Variants in NRDE2 observed in about 807,000 individuals in gnomAD.
The protein encoded by NRDE2 is nuclear exosome regulator NRDE2.
A neutral mutation model predicts 124.2 loss-of-function variants in NRDE2; 76 were observed. The observed-to-expected ratio is 0.61, with a 90% CI of 0.51 to 0.74. The LOEUF (loss-of-function observed/expected upper bound fraction) is 0.74, where lower values mean the gene tolerates loss of function less well. Among genes scored for constraint, NRDE2 ranks in the 30% least tolerant of loss-of-function variants. NRDE2 has a pLI of 0.00. For synonymous variants in NRDE2, 489 were observed against 528.1 expected (o/e 0.93, Z 1.01); for missense variants, 1,314 against 1,417.3 (o/e 0.93, Z 1.17).
chr14:90,331,089 G>A (rs1885679284), intron 1 of NRDE2, among the ~76,000 whole-genome samples: 1 of 151,826 alleles, frequency 6.6e-6, no homozygotes, highest in African/African-American at 2.4e-5. Context: ...ACCACGCCTG[G>A]CTTTTTTTTT....
chr14:90,286,841 G>A (rs561544520), intron 11 of NRDE2, among the ~76,000 whole-genome samples: 1 of 152,208 alleles, frequency 6.6e-6, no homozygotes, highest in East Asian at 1.9e-4. Context: ...AAGGTCAGGA[G>A]TTGGAGACCA....
At chr14:90,326,517 A>AG (rs1166550265) in intron 1 of NRDE2, among the ~76,000 whole-genome samples, 20 of 151,508 alleles carry the variant, frequency 1.3e-4, no homozygotes, top group East Asian at 5.8e-4. Flanking sequence ...AAAAAAAAAA[A>AG]AGAGAGAGGG....
chr14:90,312,648 C>T, intron 3 of NRDE2, 105 bp from the exon 4 acceptor site: 3 of 1,074,150 alleles, frequency 2.8e-6, no homozygotes, highest in South Asian at 1.3e-5. Context: ...TCAAACTCCA[C>T]ATGGCATCAA....
chr14:90,278,555 T>C, intron 13 of NRDE2, 94 bp from the exon 14 acceptor site: 1 of 1,519,544 alleles, frequency 6.6e-7, no homozygotes. Flanking sequence ...CTGGTGACCC[T>C]GCCCTCCTGT....
At chr14:90,295,161 CATT>C (rs1884096850) in intron 8 of NRDE2, among the ~76,000 whole-genome samples, 1 of 152,156 alleles carries the variant, frequency 6.6e-6, no homozygotes, top group Non-Finnish European at 1.5e-5. Flanking sequence ...CTGGTTCTGA[CATT>C]ATACTGTGGT....
intron 3 of NRDE2, among the ~76,000 whole-genome samples, chr14:90,313,974 T>C (rs981000750): frequency 6.6e-6 from 1 of 152,108 alleles, no homozygotes; most frequent in Non-Finnish European, 1.5e-5. Context: ...TACTGCAAAC[T>C]GATTGATGCA....
intron 12 of NRDE2, among the ~76,000 whole-genome samples, chr14:90,282,476 TCAAAAAAAAAAAA>T (rs1027014927): frequency 1.6e-5 from 2 of 122,568 alleles, no homozygotes; most frequent in African/African-American, 2.9e-5. Context: ...AGACCCTATC[TCAAAAAAAAAAAA>T]CAAAAAAAAC....
In NRDE2 at chr14:90,271,000, T is replaced by G. The variant is rs1464740100; in HGVS notation, c.*7336A>C. The G allele has an allele frequency of 6.6e-6, 1 of 152,112 alleles. No individual in the cohort carries two copies. Among genetic ancestry groups the G allele is most frequent in the Non-Finnish European group, 1.5e-5 (1 of 68,044 alleles). 9.4% of individuals were successfully genotyped at this position (152,112 alleles called of 1,614,324 possible). A position where few individuals can be genotyped will look rare whatever the true frequency, so the allele number is the denominator to read the frequency against. ...TCATTGGCAGTTAGTCCTAGAGAAC[T>G]AGATGTCTCTGTTGGCAAGTAAAAT... On this transcript the variant is annotated 3_prime_UTR_variant, in exon 14 of 14. Transcript: ENST00000354366.
intron 3 of NRDE2, among the ~76,000 whole-genome samples, chr14:90,313,227 C>T (rs1042759421): frequency 1.3e-5 from 2 of 151,216 alleles, no homozygotes; most frequent in Non-Finnish European, 1.5e-5. Context: ...CCCGGATTCA[C>T]GCCATTCTCC....
At chr14:90,313,084 A>G (rs1375576126) in intron 3 of NRDE2, among the ~76,000 whole-genome samples, 2 of 150,624 alleles carry the variant, frequency 1.3e-5, no homozygotes, top group South Asian at 4.2e-4. Flanking sequence ...TGAACTGCTC[A>G]GCCTCCAACA....
Position 90,270,458 on chromosome 14 carries a change from T to A in NRDE2, c.*7878A>T. The A allele has an allele frequency of 7.9e-7, 1 of 1,259,132 alleles. No homozygotes were observed. The highest frequency in any genetic ancestry group is 1.1e-6 in the Non-Finnish European group (1 of 933,896). The allele number at this position is 1,259,132 out of a possible 1,614,324, so 78.0% of individuals were successfully genotyped here. Reference sequence around the variant, plus strand: ...TGGTTGGCCTGGACAGGTGGGTGTCTGTATTTTAATCATCATATTGGTTTA... The same window carrying A: ...TGGTTGGCCTGGACAGGTGGGTGTCAGTATTTTAATCATCATATTGGTTTA... On this transcript the variant is annotated 3_prime_UTR_variant, in exon 14 of 14. Transcript: ENST00000354366.
At chr14:90,312,762 A>G (rs1884893025) in intron 3 of NRDE2, among the ~76,000 whole-genome samples, 1 of 152,224 alleles carries the variant, frequency 6.6e-6, no homozygotes, top group Non-Finnish European at 1.5e-5. Flanking sequence ...TCACCACTAA[A>G]TGACACTCTA....
At chr14:90,285,638 ATT>A (rs962643509) in intron 12 of NRDE2, among the ~76,000 whole-genome samples, 8 of 148,544 alleles carry the variant, frequency 5.4e-5, no homozygotes, top group Non-Finnish European at 1.0e-4. Flanking sequence ...TCTAGATTAC[ATT>A]TTTTTTTTAA....
intron 1 of NRDE2, among the ~76,000 whole-genome samples, chr14:90,321,156 T>C (rs756234932): frequency 3.9e-5 from 6 of 152,206 alleles, no homozygotes; most frequent in Admixed American, 2.0e-4. Context: ...TGATGACAGC[T>C]GGAAGAAAAT....
In NRDE2 at chr14:90,276,952, A is replaced by T. The variant is rs1279655277; in HGVS notation, c.*1384T>A. 6.6e-6 allele frequency: 1 copy of T among 152,278 alleles called. No individual in the cohort carries two copies. Among genetic ancestry groups the T allele is most frequent in the Non-Finnish European group, 1.5e-5 (1 of 68,084 alleles). The allele number at this position is 152,278 out of a possible 1,614,324, so 9.4% of individuals were successfully genotyped here. ...GTGGAGAAGGTCCCTCTTTGTGGGCAGCCAGGAACTCATGACAGTTCAAGC... is the reference window on the plus strand; with the variant it reads ...GTGGAGAAGGTCCCTCTTTGTGGGCTGCCAGGAACTCATGACAGTTCAAGC... On this transcript the variant is annotated 3_prime_UTR_variant, in exon 14 of 14. Transcript: ENST00000354366.
At position 90,278,575 on chromosome 14, in the gene NRDE2, C is replaced by T. The variant is rs901091901; in HGVS notation, c.3370-114G>A. ...GACCCTGCCCTCCTGTCGCCCTCCA[C>T]GGCCCCTGCTCCCCTTGGCTGAGAC... On this transcript the variant is annotated intron_variant, in intron 13 of 13. Coordinates refer to ENST00000354366, the MANE Select transcript of NRDE2 (RefSeq NM_017970.4). 3.3e-5 allele frequency: 43 copies of T among 1,314,542 alleles called. No individual in the cohort carries two copies. The South Asian group carries it at 4.2e-4, about 13-fold the overall frequency. The allele number at this position is 1,314,542 out of a possible 1,614,324, so 81.4% of individuals were successfully genotyped here.
chr14:90,329,087 T>A (rs1183766124), intron 1 of NRDE2, among the ~76,000 whole-genome samples: 2 of 152,204 alleles, frequency 1.3e-5, no homozygotes, highest in African/African-American at 4.8e-5. Flanking sequence ...TAAAACATAC[T>A]TTTACACACA....
rs1891590935 is a variant in NRDE2, at chr14:90,269,008, G to A, written c.*9328C>T. 6.1e-6 allele frequency: 1 copy of A among 164,914 alleles called. No individual in the cohort carries two copies. Among genetic ancestry groups the A allele is most frequent in the African/African-American group, 2.4e-5 (1 of 41,710 alleles). The allele number at this position is 164,914 out of a possible 1,614,324, so 10.2% of individuals were successfully genotyped here. On this transcript the variant is annotated 3_prime_UTR_variant, in exon 14 of 14. Coordinates refer to ENST00000354366, the MANE Select transcript of NRDE2 (RefSeq NM_017970.4). ...ATTCTGCAGAGGAGACAAATGCTCAGGGGACAAACAAAAGAGCAAAAAGGG... is the reference window on the plus strand; with the variant it reads ...ATTCTGCAGAGGAGACAAATGCTCAAGGGACAAACAAAAGAGCAAAAAGGG...
At chr14:90,290,996 G>A (rs1892259014) in intron 9 of NRDE2, among the ~76,000 whole-genome samples, 3 of 152,314 alleles carry the variant, frequency 2.0e-5, no homozygotes, top group South Asian at 4.1e-4. Flanking sequence ...TGAAAAATTT[G>A]TATTGTAAGA....
Sources: gnomAD v4.1 joint callset for allele counts (sites outside exome capture counted in the v4.1 genomes callset) on GRCh38, gnomAD v4.1.1 for gene constraint, MANE v1.5 for transcripts, NCBI Gene and HGNC (gene_info 2026-07-23, HGNC 2026-07-21) for gene names.